Variants in AFAP1L2 observed in about 807,000 individuals in gnomAD.
The protein encoded by AFAP1L2 is actin filament associated protein 1 like 2, also known as actin filament-associated protein 1-like 2.
Under a neutral mutation model 99.3 loss-of-function variants are expected in AFAP1L2, and 46 were observed. The ratio of observed to expected loss-of-function variants is 0.46; its 90% CI spans 0.37 to 0.59. The LOEUF (loss-of-function observed/expected upper bound fraction) is 0.59, where lower values mean the gene tolerates loss of function less well. Ranked by LOEUF, AFAP1L2 falls within the 20% of genes least tolerant of loss-of-function variation. The probability of loss-of-function intolerance (pLI) is 0.00; values close to 1 mark genes in which losing one functional copy is unlikely to be tolerated. For missense variants in AFAP1L2, 959 were observed against 1,034.9 expected (o/e 0.93, Z 1.01); for synonymous variants, 397 against 419.1 (o/e 0.95, Z 0.64).
At position 114,323,224 on chromosome 10, in the gene AFAP1L2, T is replaced by C; in HGVS notation, c.353A>G (p.Glu118Gly). The change falls in exon 5 of 19, where the codon GAG becomes GGG. Residue 118 changes from glutamate (E) to glycine (G), a missense_variant. This residue lies in a region of AFAP1L2 where 383 missense variants were observed against 472.8 expected (regional missense o/e 0.81). Transcript: ENST00000304129. ...CTCTTCATAGTAGCCCTCTGGAGAC[T>C]CCGTCTTTGGGATGGCAAGCTGTTT... is the stretch of plus-strand genomic sequence containing the variant. Reference protein sequence around the residue: ...ERKQLAIPKTESPEGYYEEAE... With the variant: ...ERKQLAIPKTGSPEGYYEEAE... The C allele has an allele frequency of 6.2e-7, 1 of 1,602,808 alleles. No individual in the cohort carries two copies.
downstream of AFAP1L2, chr10:114,291,107 C>A: frequency 8.0e-7 from 1 of 1,250,004 alleles, no homozygotes; most frequent in Non-Finnish European, 1.1e-6. Flanking sequence ...CTGCTGGGGG[C>A]GAGGTGGGTT....
intron 15 of AFAP1L2, 98 bp from the exon 16 acceptor site, chr10:114,299,513 G>A: frequency 6.9e-7 from 1 of 1,457,598 alleles, no homozygotes; most frequent in South Asian, 1.3e-5. Flanking sequence ...TGGGGCTTTG[G>A]CACAAAGCCC....
At chr10:114,309,297 A>G (rs1307144816) in intron 8 of AFAP1L2, among the ~76,000 whole-genome samples, 1 of 152,226 alleles carries the variant, frequency 6.6e-6, no homozygotes, top group Admixed American at 6.5e-5. Flanking sequence ...GGAATAAATG[A>G]GATAATGAAA....
Position 114,300,530 on chromosome 10 carries a change from G to T in AFAP1L2, c.1703C>A (p.Ala568Glu). ...SSPTLSCLDNATEALPADSGP... is the reference protein window; with the variant it reads ...SSPTLSCLDNETEALPADSGP... ...TGAGTCTGCCGGGAGGGCCTCAGTT[G>T]CATTGTCCAGGCAGGACAACGTCGG... Residue 568 changes from alanine to glutamate, a missense_variant, in exon 14 of 19, where the codon GCA becomes GAA. Ala to Glu is a moderately radical substitution (Grantham distance 107, BLOSUM62 -1). Transcript: ENST00000304129. The T allele has an allele frequency of 6.2e-7, 1 of 1,614,174 alleles. No individual in the cohort carries two copies.
chr10:114,379,679 T>C (rs2055336364), intron 1 of AFAP1L2, among the ~76,000 whole-genome samples: 1 of 152,212 alleles, frequency 6.6e-6, no homozygotes, highest in Non-Finnish European at 1.5e-5. Flanking sequence ...TTTTGAGGTT[T>C]TATGTTCCGC....
At chr10:114,289,169 C>T in the AFAP1L2 span, 5 of 1,613,676 alleles carry the variant, frequency 3.1e-6, no homozygotes, top group Non-Finnish European at 4.2e-6. Flanking sequence ...ATTAGCCAGG[C>T]CCCCTACCTA....
chr10:114,300,439 C>A lies in AFAP1L2; in HGVS notation c.1788+6G>T, dbSNP rs2040943286. On this transcript the variant is annotated splice_donor_region_variant and intron_variant, in intron 14 of 18. Transcript: ENST00000304129. ...GGTCTTGCTGTCCTGCAGGGGAGGC[C>A]TGTACCTGTTCTCCCAGGTTCTCTG... 6.2e-7 allele frequency: 1 copy of A among 1,613,556 alleles called. No homozygotes were observed. The highest frequency in any genetic ancestry group is 8.5e-7 in the Non-Finnish European group (1 of 1,179,504).
At chr10:114,332,546 T>C (rs1343341452) in intron 3 of AFAP1L2, among the ~76,000 whole-genome samples, 1 of 152,198 alleles carries the variant, frequency 6.6e-6, no homozygotes, top group East Asian at 1.9e-4. Flanking sequence ...CATGCTGTGT[T>C]CCCACCCCTC....
intron 8 of AFAP1L2, 138 bp from the exon 9 acceptor site, chr10:114,308,655 AC>A: frequency 1.4e-6 from 1 of 707,562 alleles, no homozygotes; most frequent in Non-Finnish European, 2.3e-6. Flanking sequence ...GGCCACCTAA[AC>A]GGCAGAATCC....
chr10:114,317,160 C>T (rs1188207433), intron 5 of AFAP1L2, among the ~76,000 whole-genome samples: 2 of 152,128 alleles, frequency 1.3e-5, no homozygotes, highest in African/African-American at 4.8e-5. Context: ...CTAAGAAGCA[C>T]GTTTGATTTT....
intron 1 of AFAP1L2, among the ~76,000 whole-genome samples, chr10:114,353,986 G>A (rs1400185934): frequency 6.6e-6 from 1 of 152,142 alleles, no homozygotes; most frequent in African/African-American, 2.4e-5. Context: ...CAAGATTGTG[G>A]AGCCCTCTGG....
rs1484105226 is a variant in AFAP1L2 at position 114,307,867 on chromosome 10, A to T, written c.1010T>A (p.Met337Lys). 4 of 1,614,008 alleles carry T rather than the reference A, an allele frequency of 2.5e-6. No homozygotes were observed. The African/African-American group carries it at 5.3e-5, about 22-fold the overall frequency. ...GGTGGATTTCTTCCTGCCCAGATTC[A>T]TTAGGTTGCTCAGTTTGAGGCCAGC... ...CSAGLKLSNL[M>K]NLGRKKSTSL... The change falls in exon 10 of 19, where the codon ATG becomes AAG. Residue 337 changes from methionine to lysine, a missense_variant. This residue lies in a region of AFAP1L2 where 383 missense variants were observed against 472.8 expected (regional missense o/e 0.81). Coordinates refer to ENST00000304129, the MANE Select transcript of AFAP1L2 (RefSeq NM_001001936.3).
At chr10:114,318,751 A>AAAAAAAAG (rs1554894544) in intron 5 of AFAP1L2, among the ~76,000 whole-genome samples, 2 of 147,768 alleles carry the variant, frequency 1.4e-5, no homozygotes, top group African/African-American at 2.5e-5. Context: ...AAAAAAAGAA[A>AAAAAAAAG]AAAAAAAGAA....
chr10:114,324,400 C>G (rs1267319437), intron 4 of AFAP1L2, among the ~76,000 whole-genome samples: 20 of 12,274 alleles, frequency 1.6e-3, no homozygotes, highest in South Asian at 0.014. Context: ...TGCACCACCC[C>G]CCCCCCCCCC....
At chr10:114,305,400 CGGCGCTGCAGAAGGAGAT>C (rs2042044573) in intron 10 of AFAP1L2, among the ~76,000 whole-genome samples, 1 of 91,672 alleles carries the variant, frequency 1.1e-5, no homozygotes, top group African/African-American at 3.8e-5. Flanking sequence ...CAGGAGGGGA[CGGCGCTGCAGAAGGAGAT>C]GCAGATGCAG....
At chr10:114,293,797 T>A (rs2039820928), downstream of AFAP1L2, among the ~76,000 whole-genome samples, 1 of 152,194 alleles carries the variant, frequency 6.6e-6, no homozygotes. Context: ...TTCCAAATGA[T>A]GCTAGTTTTG....
chr10:114,341,698 G>A (rs1430788781), intron 1 of AFAP1L2, among the ~76,000 whole-genome samples: 1 of 152,068 alleles, frequency 6.6e-6, no homozygotes, highest in East Asian at 1.9e-4. Context: ...CCTGCAGACT[G>A]AAGCAGCCTC....
chr10:114,337,992 G>A (rs777623537), intron 2 of AFAP1L2, among the ~76,000 whole-genome samples: 18 of 152,186 alleles, frequency 1.2e-4, no homozygotes, highest in African/African-American at 1.9e-4. Context: ...GCAGGCGGGC[G>A]GACGCTCCCT....
intron 1 of AFAP1L2, among the ~76,000 whole-genome samples, chr10:114,382,820 C>A (rs1041893825): frequency 6.6e-6 from 1 of 152,044 alleles, no homozygotes; most frequent in African/African-American, 2.4e-5. Flanking sequence ...GTCTCAAACT[C>A]CTGACCTCAG....
Sources: gnomAD v4.1 joint callset for allele counts (sites outside exome capture counted in the v4.1 genomes callset) on GRCh38, gnomAD v4.1.1 for gene constraint, gnomAD v4.1.1 regional missense constraint, MANE v1.5 for transcripts, NCBI Gene and HGNC (gene_info 2026-07-23, HGNC 2026-07-21) for gene names.